RAD17: variants seen among roughly 807,000 people sequenced by gnomAD.
RAD17 encodes the protein RAD17 checkpoint clamp loader component.
In RAD17, 31 loss-of-function variants were observed where a neutral mutation model predicts 81.5. The ratio of observed to expected loss-of-function variants is 0.38; its 90% CI spans 0.29 to 0.51. The LOEUF (loss-of-function observed/expected upper bound fraction) is 0.51. Ranked by LOEUF, RAD17 falls within the 20% of genes least tolerant of loss-of-function variation. RAD17 has a pLI of 0.88. For synonymous variants in RAD17, 261 were observed against 266.2 expected (o/e 0.98, Z 0.19); for missense variants, 681 against 781.2 (o/e 0.87, Z 1.53).
intron 17 of RAD17, among the ~76,000 whole-genome samples, chr5:69,401,952 C>T (rs1171269016): frequency 8.8e-5 from 11 of 125,336 alleles, no homozygotes; most frequent in South Asian, 2.6e-4. Flanking sequence ...TGCAGTGAGC[C>T]GAGATTGCAC....
intron 12 of RAD17, 44 bp from the exon 13 acceptor site, chr5:69,391,787 C>T (rs1288636159): frequency 1.5e-6 from 2 of 1,299,484 alleles, no homozygotes; most frequent in Non-Finnish European, 1.0e-6. Flanking sequence ...TTTTAATTTT[C>T]ATATTTTAAT....
chr5:69,369,487 A>C, upstream of RAD17: 2 of 1,611,392 alleles, frequency 1.2e-6, no homozygotes, highest in Non-Finnish European at 1.7e-6. Context: ...TTCGGAAGCA[A>C]CATGGTCCCC....
intron 17 of RAD17, among the ~76,000 whole-genome samples, chr5:69,408,506 C>CTTTTTTTTTTTT (rs913594965): frequency 1.4e-4 from 12 of 88,430 alleles, no homozygotes; most frequent in African/African-American, 5.0e-4. Context: ...ACCCTAATTA[C>CTTTTTTTTTTTT]TTTTTTTTTT....
intron 17 of RAD17, among the ~76,000 whole-genome samples, chr5:69,405,934 G>A (rs1446944958): frequency 1.3e-5 from 2 of 151,686 alleles, no homozygotes; most frequent in African/African-American, 2.4e-5. Context: ...CCCAGCTACC[G>A]TGGAGTCTGA....
intron 7 of RAD17, chr5:69,384,193 T>G (rs1764029807): frequency 6.6e-6 from 1 of 151,980 alleles, no homozygotes; most frequent in Non-Finnish European, 1.5e-5. Flanking sequence ...CCCTTATCAC[T>G]GAAGGTAATT....
At chr5:69,378,576 A>G (rs1426391959) in intron 6 of RAD17, among the ~76,000 whole-genome samples, 3 of 152,252 alleles carry the variant, frequency 2.0e-5, no homozygotes, top group African/African-American at 7.2e-5. Flanking sequence ...CTGAATTAGC[A>G]AATACTGAAC....
At chr5:69,369,634 C>A (rs1762786470), upstream of RAD17, 1 of 1,565,808 alleles carries the variant, frequency 6.4e-7, no homozygotes, top group Non-Finnish European at 8.7e-7. Context: ...GCCCCGGCGG[C>A]CCAGCCGCGG....
rs1019018366 is a variant in RAD17, at chr5:69,371,447, C to T, written c.-279-7C>T. ...ATTTGAGGGCTTCTTCCCCCCCCCCCCCCCAGGTGAATTATAGTTTAATGT... is the reference window on the plus strand; with the variant it reads ...ATTTGAGGGCTTCTTCCCCCCCCCCTCCCCAGGTGAATTATAGTTTAATGT... On this transcript the variant is annotated splice_polypyrimidine_tract_variant and splice_region_variant and intron_variant, in intron 2 of 18. Coordinates refer to ENST00000354868, the MANE Select transcript of RAD17 (RefSeq NM_133338.3). 5.8e-5 allele frequency: 30 copies of T among 517,598 alleles called. 1 individual carries two copies. Among genetic ancestry groups the T allele is most frequent in the Admixed American group, 1.8e-4 (5 of 27,850 alleles). The allele number at this position is 517,598 out of a possible 1,614,324, so 32.1% of individuals were successfully genotyped here. A position where few individuals can be genotyped will look rare whatever the true frequency, so the allele number is the denominator to read the frequency against.
chr5:69,373,257 A>G (rs1763117686), intron 4 of RAD17, among the ~76,000 whole-genome samples: 1 of 152,136 alleles, frequency 6.6e-6, no homozygotes, highest in South Asian at 2.1e-4. Flanking sequence ...AAATCATTCT[A>G]GTGTTTATGC....
chr5:69,391,504 A>G (rs944294144), intron 12 of RAD17, among the ~76,000 whole-genome samples: 3 of 152,198 alleles, frequency 2.0e-5, no homozygotes, highest in African/African-American at 7.2e-5. Flanking sequence ...TTTGAGCATC[A>G]TGTTGGCACT....
intron 17 of RAD17, among the ~76,000 whole-genome samples, chr5:69,402,279 G>T (rs564203610): frequency 5.9e-5 from 9 of 151,784 alleles, no homozygotes; most frequent in African/African-American, 2.2e-4. Context: ...TCGAACTCCT[G>T]GCCTTAAGTG....
chr5:69,376,203 T>A (rs1276827518), intron 6 of RAD17, among the ~76,000 whole-genome samples: 1 of 152,218 alleles, frequency 6.6e-6, no homozygotes, highest in Admixed American at 6.5e-5. Flanking sequence ...AACTGACACA[T>A]AATCCATGGG....
intron 11 of RAD17, among the ~76,000 whole-genome samples, chr5:69,387,018 G>A (rs768641454): frequency 3.4e-5 from 5 of 148,746 alleles, no homozygotes. Flanking sequence ...TCGACCTCTT[G>A]GGCTCAAGTG....
chr5:69,410,912 C>T (rs944998576), intron 18 of RAD17, among the ~76,000 whole-genome samples: 4 of 135,672 alleles, frequency 2.9e-5, no homozygotes, highest in African/African-American at 8.4e-5. Context: ...TAGAAGAGTC[C>T]TTCATATTTT....
rs773917050 is a variant in RAD17, at chr5:69,410,560, T to A, written c.1751+10T>A. Reference sequence around the variant, plus strand: ...AGCGACACTTTGGAAGGTAAGCTGATCATCTCAATTTCCAAAAAGCTGATA... The same window carrying A: ...AGCGACACTTTGGAAGGTAAGCTGAACATCTCAATTTCCAAAAAGCTGATA... On this transcript the variant is annotated intron_variant, in intron 18 of 18. Coordinates refer to ENST00000354868, the MANE Select transcript of RAD17 (RefSeq NM_133338.3). The A allele has an allele frequency of 1.2e-6, 2 of 1,611,340 alleles. No homozygotes were observed. The highest frequency in any genetic ancestry group is 2.7e-5 in the African/African-American group (2 of 74,858).
Position 69,374,644 on chromosome 5 carries a change from A to G in RAD17, c.284A>G (p.His95Arg), listed in dbSNP as rs763707607. Reference sequence around the variant, plus strand: ...TTGTTGTAGCATGAACTTGCTGTGCATAAAAAGAAAATTGAAGAAGTCGAA... The same window carrying G: ...TTGTTGTAGCATGAACTTGCTGTGCGTAAAAAGAAAATTGAAGAAGTCGAA... ...KPETQHELAV[H>R]KKKIEEVETW... Residue 95 changes from histidine (H) to arginine (R), a missense_variant, in exon 6 of 19, where the codon CAT becomes CGT. Physicochemically the swap from His to Arg is conservative, Grantham distance 29. Coordinates refer to ENST00000354868, the MANE Select transcript of RAD17 (RefSeq NM_133338.3). 1.2e-6 allele frequency: 2 copies of G among 1,610,338 alleles called. No individual in the cohort carries two copies. The highest frequency in any genetic ancestry group is 1.1e-5 in the South Asian group (1 of 89,744).
At chr5:69,377,813 G>T (rs898326275) in intron 6 of RAD17, among the ~76,000 whole-genome samples, 1 of 151,046 alleles carries the variant, frequency 6.6e-6, no homozygotes, top group African/African-American at 2.4e-5. Context: ...TAGAGACAGG[G>T]TCTTGCTAGA....
upstream of RAD17, chr5:69,369,552 C>T: frequency 8.1e-6 from 13 of 1,609,428 alleles, no homozygotes; most frequent in South Asian, 1.1e-5. Flanking sequence ...CAGGGAGGAG[C>T]CGGAAGGGGC....
In RAD17 at chr5:69,393,577, C is replaced by T. The variant is rs1157604794; in HGVS notation, c.1422+77C>T. 1.8e-5 allele frequency: 23 copies of T among 1,308,954 alleles called. No homozygotes were observed. The Admixed American group carries it at 3.0e-4, about 17-fold the overall frequency. The allele number at this position is 1,308,954 out of a possible 1,614,324, so 81.1% of individuals were successfully genotyped here. ...AAGAAAAGAAAGTTTACTTTTATCC[C>T]TAATTGCCTGACATTATTTTATGTG... On this transcript the variant is annotated intron_variant, in intron 15 of 18. Transcript: ENST00000354868.
Sources: gnomAD v4.1 joint callset for allele counts (sites outside exome capture counted in the v4.1 genomes callset) on GRCh38, gnomAD v4.1.1 for gene constraint, MANE v1.5 for transcripts, NCBI Gene and HGNC (gene_info 2026-07-23, HGNC 2026-07-21) for gene names.